ADSS2: variants seen among roughly 807,000 people sequenced by gnomAD.
ADSS2 encodes adenylosuccinate synthase 2.
A neutral mutation model predicts 60.0 loss-of-function variants in ADSS2; 30 were observed. That is an observed-to-expected ratio of 0.50 (90% CI 0.37 to 0.68). The LOEUF (loss-of-function observed/expected upper bound fraction) is 0.68, where lower values mean the gene tolerates loss of function less well. Among genes scored for constraint, ADSS2 ranks in the 30% least tolerant of loss-of-function variants. The pLI is 0.00. For missense variants in ADSS2, 373 were observed against 554.8 expected (o/e 0.67, Z 3.29); for synonymous variants, 187 against 193.1 (o/e 0.97, Z 0.26).
In ADSS2 at chr1:244,409,128, T is replaced by C. The variant is rs2147982100; in HGVS notation, c.*458A>G. 1 of 153,110 alleles carries C rather than the reference T, an allele frequency of 6.5e-6. No homozygotes were observed. Among genetic ancestry groups the C allele is most frequent in the Non-Finnish European group, 1.5e-5 (1 of 68,280 alleles). The allele number at this position is 153,110 out of a possible 1,614,324, so 9.5% of individuals were successfully genotyped here. A position where few individuals can be genotyped will look rare whatever the true frequency, so the allele number is the denominator to read the frequency against. On this transcript the variant is annotated 3_prime_UTR_variant, in exon 13 of 13. Transcript: ENST00000366535. ...TACAGAACCCCTATGTTTTCATCATTTGTTTCTAACAACAAAGATTACAAT... is the reference window on the plus strand; with the variant it reads ...TACAGAACCCCTATGTTTTCATCATCTGTTTCTAACAACAAAGATTACAAT...
chr1:244,430,830 A>G (rs1016917553), intron 4 of ADSS2, among the ~76,000 whole-genome samples: 1 of 152,222 alleles, frequency 6.6e-6, no homozygotes, highest in Admixed American at 6.5e-5. Flanking sequence ...GTAAGAAAGA[A>G]TATTAGTTGG....
chr1:244,418,277 T>C (rs1029600301), intron 9 of ADSS2, among the ~76,000 whole-genome samples: 15 of 152,200 alleles, frequency 9.9e-5, no homozygotes, highest in Non-Finnish European at 1.3e-4. Flanking sequence ...TTATCTCTTA[T>C]ATTCTGGCAT....
chr1:244,438,511 C>G (rs1030019801), intron 1 of ADSS2, among the ~76,000 whole-genome samples: 1 of 152,070 alleles, frequency 6.6e-6, no homozygotes, highest in African/African-American at 2.4e-5. Context: ...ACAAAGGAGA[C>G]TAAATATTAA....
intron 3 of ADSS2, among the ~76,000 whole-genome samples, chr1:244,435,381 T>C (rs982002378): frequency 2.6e-5 from 4 of 152,014 alleles, no homozygotes; most frequent in African/African-American, 9.7e-5. Context: ...ATATAAATAA[T>C]GAGATCTCTG....
chr1:244,450,502 C>T (rs1665524696), intron 1 of ADSS2, among the ~76,000 whole-genome samples: 1 of 152,220 alleles, frequency 6.6e-6, no homozygotes, highest in Non-Finnish European at 1.5e-5. Flanking sequence ...TTTCTGCATG[C>T]TCAAAATGGT....
chr1:244,439,122 C>G (rs148884784), intron 1 of ADSS2, among the ~76,000 whole-genome samples: 2 of 152,124 alleles, frequency 1.3e-5, no homozygotes, highest in Non-Finnish European at 2.9e-5. Flanking sequence ...TTTTTAGCTC[C>G]CACAAGTTAA....
At chr1:244,424,543 A>G (rs1664752921) in intron 4 of ADSS2, 156 bp from the exon 5 acceptor site, 1 of 562,560 alleles carries the variant, frequency 1.8e-6, no homozygotes, top group Non-Finnish European at 3.2e-6. Flanking sequence ...AGTTTATAAC[A>G]CCAACTAGTA....
chr1:244,422,910 T>C lies in ADSS2; in HGVS notation c.588A>G (p.Lys196=), dbSNP rs1231840168. The part of the protein sequence containing the change: ...SDFDGFSERF[K]VLANQYKSIY... The stretch of plus-strand genomic sequence containing the variant: ...TAGATTTGTATTGGTTAGCTAGAAC[T>C]TTAAACCTGAGAAACACAGATAAAT... Residue 196 remains lysine, a synonymous_variant, in exon 7 of 13, where the codon AAA becomes AAG. Coordinates refer to ENST00000366535, the MANE Select transcript of ADSS2 (RefSeq NM_001126.5). The C allele has an allele frequency of 6.4e-7, 1 of 1,571,096 alleles. No individual in the cohort carries two copies. The highest frequency in any genetic ancestry group is 8.7e-7 in the Non-Finnish European group (1 of 1,143,362).
intron 2 of ADSS2, 34 bp from the exon 3 acceptor site, chr1:244,436,927 A>G: frequency 1.3e-6 from 2 of 1,561,916 alleles, no homozygotes; most frequent in East Asian, 2.2e-5. Flanking sequence ...AACGGTAAAC[A>G]TCTATAACTC....
chr1:244,445,710 TCTTAA>T (rs1665367808), intron 1 of ADSS2, among the ~76,000 whole-genome samples: 1 of 152,166 alleles, frequency 6.6e-6, no homozygotes, highest in Non-Finnish European at 1.5e-5. Context: ...GACTCTTGAT[TCTTAA>T]CTTGGTTTCA....
intron 1 of ADSS2, among the ~76,000 whole-genome samples, chr1:244,441,720 G>T (rs1329950953): frequency 6.6e-6 from 1 of 152,052 alleles, no homozygotes; most frequent in African/African-American, 2.4e-5. Flanking sequence ...ACTTTGGGAG[G>T]CTGAGGCGGG....
chr1:244,434,171 C>T (rs1369670603), intron 3 of ADSS2, among the ~76,000 whole-genome samples: 2 of 144,744 alleles, frequency 1.4e-5, no homozygotes, highest in African/African-American at 2.6e-5. Flanking sequence ...AGAAAGACCC[C>T]ATCTCTACAA....
intron 1 of ADSS2, among the ~76,000 whole-genome samples, chr1:244,448,501 C>T (rs1312425907): frequency 2.0e-5 from 3 of 152,184 alleles, no homozygotes; most frequent in Admixed American, 2.0e-4. Context: ...ACACACGGAA[C>T]ACTGCTCTAG....
chr1:244,437,781 A>G lies in ADSS2; in HGVS notation c.184-13T>C, dbSNP rs377535475. ...CATTATTTCCTCCCTAAAATGTAAG[A>G]TAGGGGAAAATTGAGCCTGATGATA... On this transcript the variant is annotated splice_polypyrimidine_tract_variant and intron_variant, in intron 1 of 12. Transcript: ENST00000366535. 3 of 1,537,858 alleles carry G rather than the reference A, an allele frequency of 2.0e-6. No homozygotes were observed. Among genetic ancestry groups the G allele is most frequent in the Non-Finnish European group, 2.7e-6 (3 of 1,111,218 alleles).
At chr1:244,413,343 C>T (rs1000193196) in intron 11 of ADSS2, among the ~76,000 whole-genome samples, 2 of 152,158 alleles carry the variant, frequency 1.3e-5, no homozygotes, top group Non-Finnish European at 2.9e-5. Context: ...AGTGGGGCTT[C>T]CATTTCTAGT....
chr1:244,411,555 AT>A, intron 11 of ADSS2, 119 bp from the exon 12 acceptor site: 1 of 1,059,790 alleles, frequency 9.4e-7, no homozygotes, highest in Non-Finnish European at 1.3e-6. Flanking sequence ...ATGTTTTGGG[AT>A]TTAGAATTCT....
chr1:244,411,775 T>C (rs1664423708), intron 11 of ADSS2, among the ~76,000 whole-genome samples: 1 of 152,198 alleles, frequency 6.6e-6, no homozygotes, highest in South Asian at 2.1e-4. Flanking sequence ...TGAATTTCCA[T>C]TCTATTGATT....
intron 4 of ADSS2, 129 bp downstream of exon 4, chr1:244,432,416 C>T (rs539425536): frequency 3.2e-6 from 2 of 633,132 alleles, no homozygotes; most frequent in East Asian, 6.9e-5. Context: ...GTATTTAGAA[C>T]TCAATTACTA....
rs1377338825 is a variant in ADSS2, at chr1:244,451,298, A to G, written c.183+337T>C. 2.0e-5 allele frequency among the ~76,000 whole-genome samples: 3 copies of G among 152,150 alleles called. No homozygotes were observed. Among genetic ancestry groups the G allele is most frequent in the Admixed American group, 1.3e-4 (2 of 15,286 alleles). On this transcript the variant is annotated intron_variant, in intron 1 of 12. Transcript: ENST00000366535. This position sits in a 1 kb window ranked among gnomAD's most constrained non-coding sequence, Gnocchi z 6.6. ...CGGTAGCTCCTCAAACTCGGACCGC[A>G]TCCCACCTCCACCCCGGCCTCAGTC... is the stretch of plus-strand genomic sequence containing the variant.
Sources: gnomAD v4.1 joint callset for allele counts (sites outside exome capture counted in the v4.1 genomes callset) on GRCh38, gnomAD v4.1.1 for gene constraint, Gnocchi (gnomAD v3.1) non-coding constraint, MANE v1.5 for transcripts, NCBI Gene and HGNC (gene_info 2026-07-23, HGNC 2026-07-21) for gene names.